The following UGT1A7 variants were observed in gnomAD, a reference collection of about 807,000 sequenced individuals.
The protein encoded by UGT1A7 is UDP glucuronosyltransferase family 1 member A7, also known as UDP-glucuronosyltransferase 1A7.
In UGT1A7, 33 loss-of-function variants were observed where a neutral mutation model predicts 45.6. The observed-to-expected ratio is 0.72, with a 90% CI of 0.55 to 0.97. The LOEUF (loss-of-function observed/expected upper bound fraction) is 0.97. UGT1A7 is among the 50% of genes least tolerant of loss of function. UGT1A7 has a pLI of 0.00. For synonymous variants in UGT1A7, 274 were observed against 250.6 expected (o/e 1.09, Z -0.88); for missense variants, 684 against 666.2 (o/e 1.03, Z -0.29).
chr2:233,753,314 G>A (rs1425498826), intron 1 of UGT1A7: 1 of 152,252 alleles, frequency 6.6e-6, no homozygotes, highest in Non-Finnish European at 1.5e-5. Context: ...GTGCCCCTGT[G>A]GGATGGTGCC....
intron 1 of UGT1A7, chr2:233,719,088 G>A (rs2076724106): frequency 6.2e-7 from 1 of 1,614,250 alleles, no homozygotes; most frequent in South Asian, 1.1e-5. Flanking sequence ...GAAGGAATTT[G>A]ATCGCGTTAC....
rs192713031 is a variant in UGT1A7 at position 233,755,438 on chromosome 2, C to G, written c.856-11596C>G. ...TGTGAGCGCCTCGCATCCCAAGATG[C>G]AGTGCTCCTGGGACTGGCCCTGCTC... On this transcript the variant is annotated intron_variant, in intron 1 of 4. Transcript: ENST00000373426. 453 of 315,884 alleles carry G rather than the reference C, an allele frequency of 1.4e-3. 2 individuals carry two copies. The highest frequency in any genetic ancestry group is 7.9e-3 in the African/African-American group (362 of 46,082). The allele number at this position is 315,884 out of a possible 1,614,324, so 19.6% of individuals were successfully genotyped here.
rs541409164 is a variant in UGT1A7, at chr2:233,760,784, T to G, written c.856-6250T>G. ...CCCATCGTGGCCCAGTACCTGTCTC[T>G]GCCCACTGTATTCTTCTTGCATGCA... On this transcript the variant is annotated intron_variant, in intron 1 of 4. Transcript: ENST00000373426. 7 of 1,613,832 alleles carry G rather than the reference T, an allele frequency of 4.3e-6. No homozygotes were observed. In the East Asian group the frequency reaches 1.6e-4, roughly 36 times the overall value.
rs1575864217 is a variant in UGT1A7, at chr2:233,771,774, C to G, written c.1296-488C>G. On this transcript the variant is annotated intron_variant, in intron 4 of 4. Transcript: ENST00000373426. ...TCCCTTCCTTCCTCCGTCCCTCTCTCCTTTCCTCTCTCCCTCCCTCCCTCC... is the reference window on the plus strand; with the variant it reads ...TCCCTTCCTTCCTCCGTCCCTCTCTGCTTTCCTCTCTCCCTCCCTCCCTCC... Among the ~76,000 whole-genome samples the G allele has an allele frequency of 2.6e-5, 4 of 152,102 alleles. No individual in the cohort carries two copies. The South Asian group carries it at 8.4e-4, about 32-fold the overall frequency.
In UGT1A7 at chr2:233,757,562, G is replaced by GTATATATATATATATATATATA. The variant is rs1491042837; in HGVS notation, c.856-9465_856-9464insATATATATATATATATATATAT. Among the ~76,000 whole-genome samples, 15 of 90,888 alleles carry GTATATATATATATATATATATA rather than the reference G, an allele frequency of 1.7e-4. 1 individual carries two copies. The highest frequency in any genetic ancestry group is 7.2e-4 in the African/African-American group (14 of 19,524). The allele number at this position is 90,888 out of a possible 152,430, so 59.6% of individuals were successfully genotyped here. On this transcript the variant is annotated intron_variant, in intron 1 of 4. Transcript: ENST00000373426. The stretch of plus-strand genomic sequence containing the variant: ...TATATATATATATATATATATATAT[G>GTATATATATATATATATATATA]TATATATGATATAGCTATAGTCTAA...
chr2:233,772,695 T>C lies in UGT1A7; in HGVS notation c.*136T>C. ...ATAAATTAATCAGCCCCAGAGTGCT[T>C]TAAAAAATTCTCTTAAATAAAAATA... is the stretch of plus-strand genomic sequence containing the variant. On this transcript the variant is annotated 3_prime_UTR_variant, in exon 5 of 5. Coordinates refer to ENST00000373426, the MANE Select transcript of UGT1A7 (RefSeq NM_019077.3). 2 of 1,484,740 alleles carry C rather than the reference T, an allele frequency of 1.3e-6. No individual in the cohort carries two copies. Among genetic ancestry groups the C allele is most frequent in the South Asian group, 2.7e-5 (2 of 74,364 alleles). The allele number at this position is 1,484,740 out of a possible 1,614,324, so 92.0% of individuals were successfully genotyped here. A position where few individuals can be genotyped will look rare whatever the true frequency, so the allele number is the denominator to read the frequency against.
At chr2:233,731,346 T>C (rs1050740292) in intron 1 of UGT1A7, among the ~76,000 whole-genome samples, 9 of 151,806 alleles carry the variant, frequency 5.9e-5, no homozygotes, top group African/African-American at 2.2e-4. Flanking sequence ...GCAGGTTTGA[T>C]ACATAGGTAT....
chr2:233,739,933 AAGGTTGGTACC>A (rs1221573721), intron 1 of UGT1A7, among the ~76,000 whole-genome samples: 1 of 151,674 alleles, frequency 6.6e-6, no homozygotes, highest in Non-Finnish European at 1.5e-5. Context: ...CCCATGTGTT[AAGGTTGGTACC>A]TGGTGGGAGC....
intron 1 of UGT1A7, chr2:233,755,031 C>T: frequency 7.6e-7 from 1 of 1,312,808 alleles, no homozygotes; most frequent in South Asian, 1.2e-5. Context: ...GAAGGGCCTG[C>T]CGCCTGCGCA....
intron 1 of UGT1A7, among the ~76,000 whole-genome samples, chr2:233,739,812 GT>G (rs957981819): frequency 5.3e-5 from 8 of 152,020 alleles, no homozygotes; most frequent in African/African-American, 1.9e-4. Context: ...GGCATGATTG[GT>G]TTTTAAATGT....
At chr2:233,715,777 A>C (rs1241643049) in intron 1 of UGT1A7, among the ~76,000 whole-genome samples, 12 of 152,166 alleles carry the variant, frequency 7.9e-5, no homozygotes, top group Admixed American at 1.3e-4. Context: ...ATCTCAAAAA[A>C]ATAAAAATTT....
At chr2:233,742,194 T>G (rs1691905587) in intron 1 of UGT1A7, among the ~76,000 whole-genome samples, 1 of 151,838 alleles carries the variant, frequency 6.6e-6, no homozygotes. Context: ...GAGTGGGAAA[T>G]CAGGGGACTC....
intron 1 of UGT1A7, chr2:233,713,741 C>T (rs1224513754): frequency 9.9e-6 from 16 of 1,613,814 alleles, no homozygotes; most frequent in African/African-American, 1.3e-5. Context: ...ATCTTGTCAG[C>T]CATGCATCTG....
intron 1 of UGT1A7, chr2:233,754,258 T>A: frequency 5.9e-6 from 1 of 170,430 alleles, no homozygotes; most frequent in South Asian, 1.4e-4. Flanking sequence ...CGGAAAAAGG[T>A]AAGGCTCAAA....
chr2:233,720,312 A>G (rs1277563393), intron 1 of UGT1A7, among the ~76,000 whole-genome samples: 1 of 152,106 alleles, frequency 6.6e-6, no homozygotes, highest in African/African-American at 2.4e-5. Context: ...CTGGTGTATG[A>G]TGTGGGGACA....
chr2:233,757,562 G>GTATATA (rs1491042837), intron 1 of UGT1A7, among the ~76,000 whole-genome samples: 1 of 90,870 alleles, frequency 1.1e-5, no homozygotes, highest in African/African-American at 5.1e-5. Flanking sequence ...ATATATATAT[G>GTATATA]TATATATGAT....
rs1342292441 is a variant in UGT1A7, at chr2:233,772,794, G to A, written c.*235G>A. 35 of 1,212,802 alleles carry A rather than the reference G, an allele frequency of 2.9e-5. No individual in the cohort carries two copies. Among genetic ancestry groups the A allele is most frequent in the African/African-American group, 6.1e-5 (4 of 65,186 alleles). The allele number at this position is 1,212,802 out of a possible 1,614,324, so 75.1% of individuals were successfully genotyped here. On this transcript the variant is annotated 3_prime_UTR_variant, in exon 5 of 5. Transcript: ENST00000373426. ...CTGGTGTCTTTGATCAGGATGACAT[G>A]TGCCATTTTTCAGAGGACGTGCAGA...
chr2:233,763,622 CTT>C (rs1698359948), intron 1 of UGT1A7, among the ~76,000 whole-genome samples: 1 of 152,186 alleles, frequency 6.6e-6, no homozygotes, highest in Non-Finnish European at 1.5e-5. Context: ...TACCATTCCT[CTT>C]GTGTTGATGG....
intron 1 of UGT1A7, chr2:233,752,588 C>T (rs1160790573): frequency 1.3e-5 from 2 of 152,108 alleles, no homozygotes; most frequent in African/African-American, 4.8e-5. Flanking sequence ...CCCATCTCTA[C>T]AAGATTTTTT....
Sources: gnomAD v4.1 joint callset for allele counts (sites outside exome capture counted in the v4.1 genomes callset) on GRCh38, gnomAD v4.1.1 for gene constraint, MANE v1.5 for transcripts, NCBI Gene and HGNC (gene_info 2026-07-23, HGNC 2026-07-21) for gene names.